ZNF385D: variants seen among roughly 807,000 people sequenced by gnomAD.
ZNF385D encodes the protein zinc finger protein 659.
A neutral mutation model predicts 35.8 loss-of-function variants in ZNF385D; 15 were observed. That is an observed-to-expected ratio of 0.42 (90% CI 0.28 to 0.64). ZNF385D has a LOEUF of 0.64. Ranked by LOEUF, ZNF385D falls within the 30% of genes least tolerant of loss-of-function variation. The pLI, the probability that ZNF385D is intolerant of heterozygous loss-of-function variation, is 0.23. For synonymous variants in ZNF385D, 212 were observed against 186.8 expected (o/e 1.13, Z -1.10); for missense variants, 474 against 494.6 (o/e 0.96, Z 0.39).
In ZNF385D at chr3:21,819,862, CAT is replaced by C. The variant is rs1228300818; in HGVS notation, c.326-154836_326-154835del. ...ATACACATATATACATAAATATACA[CAT>C]ATATACACACATAATTAGGTTATAC... On this transcript the variant is annotated intron_variant, in intron 3 of 5. Coordinates refer to the ZNF385D transcript ENST00000494108. Among the ~76,000 whole-genome samples the C allele has an allele frequency of 6.1e-5, 9 of 147,562 alleles. No homozygotes were observed. In the East Asian group the frequency reaches 1.2e-3, roughly 19 times the overall value.
chr3:22,368,218 A>T (rs1221408625), intron 2 of ZNF385D, among the ~76,000 whole-genome samples: 1 of 152,202 alleles, frequency 6.6e-6, no homozygotes, highest in Admixed American at 6.5e-5. Context: ...TCTCTATCCT[A>T]TTCTAAAACT....
intron 3 of ZNF385D, among the ~76,000 whole-genome samples, chr3:21,825,165 C>T (rs542277317): frequency 2.6e-5 from 4 of 152,178 alleles, no homozygotes; most frequent in South Asian, 2.1e-4. Flanking sequence ...CACATACAAA[C>T]GCAAACCAGA....
chr3:22,349,734 T>C (rs924225379), intron 2 of ZNF385D, among the ~76,000 whole-genome samples: 4 of 151,674 alleles, frequency 2.6e-5, no homozygotes, highest in African/African-American at 9.7e-5. Flanking sequence ...TTTTATGCAG[T>C]TTCCAGTGCA....
intron 3 of ZNF385D, among the ~76,000 whole-genome samples, chr3:21,760,731 G>A (rs1016673458): frequency 7.2e-5 from 11 of 152,000 alleles, no homozygotes; most frequent in Non-Finnish European, 1.6e-4. Flanking sequence ...AAGAAATCTG[G>A]GCTTTTTCAC....
intron 2 of ZNF385D, among the ~76,000 whole-genome samples, chr3:21,659,489 G>A (rs540708879): frequency 6.6e-6 from 1 of 152,222 alleles, no homozygotes; most frequent in Admixed American, 6.5e-5. Context: ...CTGGTATGTA[G>A]TAAGCGTTCA....
chr3:22,039,255 CA>C (rs376799573), intron 3 of ZNF385D, among the ~76,000 whole-genome samples: 10,597 of 103,910 alleles, frequency 0.1, 339 homozygotes, highest in Admixed American at 0.15. Flanking sequence ...TAATCCAAGC[CA>C]AAAAAAAAAA....
At chr3:22,120,171 C>A (rs907578599) in intron 3 of ZNF385D, among the ~76,000 whole-genome samples, 2 of 151,670 alleles carry the variant, frequency 1.3e-5, no homozygotes, top group African/African-American at 4.8e-5. Flanking sequence ...AGGTAGAGTG[C>A]CTTAGTTTAC....
At chr3:21,582,500 CCTTT>C (rs1291089768) in intron 2 of ZNF385D, among the ~76,000 whole-genome samples, 1 of 152,012 alleles carries the variant, frequency 6.6e-6, no homozygotes, top group Non-Finnish European at 1.5e-5. Context: ...CACTCATGGG[CCTTT>C]CTTAATAAGT....
intron 3 of ZNF385D, among the ~76,000 whole-genome samples, chr3:22,130,689 G>C (rs947659151): frequency 2.0e-5 from 3 of 152,252 alleles, no homozygotes; most frequent in Non-Finnish European, 4.4e-5. Context: ...TGGGAGATAG[G>C]AGAGGGGCGG....
chr3:21,491,053 G>C (rs925140227), intron 4 of ZNF385D, among the ~76,000 whole-genome samples: 12 of 108,654 alleles, frequency 1.1e-4, no homozygotes, highest in Non-Finnish European at 2.0e-4. Flanking sequence ...ACAGGATCCT[G>C]TGTTAGGTAG....
chr3:21,503,229 A>C (rs1160154089), intron 4 of ZNF385D, among the ~76,000 whole-genome samples: 1 of 152,224 alleles, frequency 6.6e-6, no homozygotes, highest in African/African-American at 2.4e-5. Context: ...TAAAGACAGA[A>C]TCTTACATAA....
intron 3 of ZNF385D, among the ~76,000 whole-genome samples, chr3:22,070,872 A>G (rs745960651): frequency 2.1e-4 from 32 of 152,146 alleles, no homozygotes; most frequent in Non-Finnish European, 1.0e-4. Context: ...ACTTTTGTTA[A>G]GTTTTCTTCT....
chr3:22,308,919 A>T (rs1394803020), intron 2 of ZNF385D, among the ~76,000 whole-genome samples: 2 of 152,102 alleles, frequency 1.3e-5, no homozygotes, highest in African/African-American at 4.8e-5. Context: ...AATTTGAAAA[A>T]TTTGCTTTAT....
At chr3:22,165,572 C>T (rs905817329) in intron 3 of ZNF385D, among the ~76,000 whole-genome samples, 3 of 152,188 alleles carry the variant, frequency 2.0e-5, no homozygotes, top group Non-Finnish European at 4.4e-5. Flanking sequence ...ACTCTTTATC[C>T]TACTAAATGT....
chr3:22,110,747 C>T (rs992435275), intron 3 of ZNF385D, among the ~76,000 whole-genome samples: 2 of 151,062 alleles, frequency 1.3e-5, no homozygotes, highest in African/African-American at 2.4e-5. Context: ...ATGTAACTAA[C>T]CTGCCCGTTG....
intron 2 of ZNF385D, among the ~76,000 whole-genome samples, chr3:22,205,292 G>GA (rs1425061177): frequency 6.6e-6 from 1 of 151,414 alleles, no homozygotes; most frequent in Non-Finnish European, 1.5e-5. Flanking sequence ...ACAGTAAGAA[G>GA]AAATAAAGAT....
chr3:22,182,708 T>C (rs1695359812), intron 2 of ZNF385D, among the ~76,000 whole-genome samples: 1 of 152,100 alleles, frequency 6.6e-6, no homozygotes, highest in East Asian at 1.9e-4. Flanking sequence ...GTTTGAAAGA[T>C]TGTTTAATAA....
intron 2 of ZNF385D, among the ~76,000 whole-genome samples, chr3:22,186,969 A>C (rs971072236): frequency 3.9e-5 from 6 of 152,178 alleles, no homozygotes; most frequent in African/African-American, 7.2e-5. Context: ...TACTGTAATT[A>C]TCCCCAATTT....
At chr3:21,695,753 T>C (rs933094313) in intron 1 of ZNF385D, among the ~76,000 whole-genome samples, 4 of 146,154 alleles carry the variant, frequency 2.7e-5, no homozygotes, top group Admixed American at 7.2e-5. Flanking sequence ...CTGTTAAATA[T>C]ATATTATATA....
Sources: allele counts gnomAD v4.1 joint callset (sites outside exome capture counted in the v4.1 genomes callset), GRCh38; gene constraint gnomAD v4.1.1; transcripts MANE v1.5; gene names NCBI Gene and HGNC (gene_info 2026-07-23, HGNC 2026-07-21).